STXBP6: variants seen among roughly 807,000 people sequenced by gnomAD.
The protein encoded by STXBP6 is syntaxin-binding protein 6.
A neutral mutation model predicts 26.9 loss-of-function variants in STXBP6; 21 were observed. The ratio of observed to expected loss-of-function variants is 0.78; its 90% CI spans 0.55 to 1.12. STXBP6 has a LOEUF of 1.12. Ranked by LOEUF, STXBP6 falls within the 50% of genes most tolerant of loss-of-function variation. The pLI, the probability that STXBP6 is intolerant of heterozygous loss-of-function variation, is 0.00. For synonymous variants in STXBP6, 97 were observed against 92.6 expected, an observed-to-expected ratio of 1.05 and a Z score of -0.27; for missense variants, 232 against 257.9, an observed-to-expected ratio of 0.90 and a Z score of 0.69.
intron 2 of STXBP6, among the ~76,000 whole-genome samples, chr14:24,887,063 G>C (rs1293875562): frequency 6.6e-6 from 1 of 152,172 alleles, no homozygotes; most frequent in Non-Finnish European, 1.5e-5. Flanking sequence ...GCATGAATGA[G>C]AAGGTATTTT....
intron 4 of STXBP6, among the ~76,000 whole-genome samples, chr14:24,836,367 C>T (rs182911004): frequency 6.6e-6 from 1 of 151,970 alleles, no homozygotes; most frequent in Non-Finnish European, 1.5e-5. Flanking sequence ...GAGGTCGAGG[C>T]GAGCGGACCA....
At chr14:24,987,667 C>T (rs1324735259) in intron 1 of STXBP6, among the ~76,000 whole-genome samples, 1 of 152,228 alleles carries the variant, frequency 6.6e-6, no homozygotes, top group Non-Finnish European at 1.5e-5. Context: ...CTTCCTCCTC[C>T]AATCCCATAT....
chr14:24,954,488 C>T (rs868568742), intron 2 of STXBP6, among the ~76,000 whole-genome samples: 4 of 152,146 alleles, frequency 2.6e-5, no homozygotes, highest in Admixed American at 6.5e-5. Flanking sequence ...ACCTATACAG[C>T]GGAATCTTTA....
chr14:24,840,397 T>C (rs1455500402), intron 4 of STXBP6, among the ~76,000 whole-genome samples: 5 of 152,180 alleles, frequency 3.3e-5, no homozygotes, highest in African/African-American at 1.2e-4. Context: ...GATTCTTTCC[T>C]CCACTTTAGC....
intron 2 of STXBP6, among the ~76,000 whole-genome samples, chr14:24,923,372 T>C (rs1218130887): frequency 6.6e-6 from 1 of 152,188 alleles, no homozygotes; most frequent in African/African-American, 2.4e-5. Flanking sequence ...AATGCCACAA[T>C]GTTTTTATTC....
At chr14:24,925,824 C>T (rs932440313) in intron 2 of STXBP6, among the ~76,000 whole-genome samples, 8 of 152,084 alleles carry the variant, frequency 5.3e-5, no homozygotes, top group Admixed American at 1.3e-4. Context: ...CCCCCCTACA[C>T]AAAAATGGGA....
At chr14:24,980,135 T>A (rs187269975) in intron 1 of STXBP6, among the ~76,000 whole-genome samples, 1 of 152,352 alleles carries the variant, frequency 6.6e-6, no homozygotes, top group East Asian at 1.9e-4. Context: ...TCACTAAACC[T>A]AGAAATCTAA....
At chr14:24,935,965 C>A (rs1343355605) in intron 2 of STXBP6, among the ~76,000 whole-genome samples, 2 of 152,156 alleles carry the variant, frequency 1.3e-5, no homozygotes, top group African/African-American at 4.8e-5. Flanking sequence ...CCAAAACAAA[C>A]GAGAGAAATA....
intron 2 of STXBP6, among the ~76,000 whole-genome samples, chr14:24,959,520 C>T (rs2073458142): frequency 6.6e-6 from 1 of 152,106 alleles, no homozygotes; most frequent in African/African-American, 2.4e-5. Context: ...TTTAACAGTT[C>T]CCAATTTCAT....
chr14:24,917,200 CTCGGCACAAT>C (rs1379273355), intron 2 of STXBP6, among the ~76,000 whole-genome samples: 19 of 152,102 alleles, frequency 1.2e-4, no homozygotes, highest in African/African-American at 4.3e-4. Context: ...ATGTTAACAA[CTCGGCACAAT>C]TTTGTAAAAA....
At chr14:24,875,234 G>A (rs904136364) in intron 2 of STXBP6, among the ~76,000 whole-genome samples, 9 of 152,280 alleles carry the variant, frequency 5.9e-5, no homozygotes, top group African/African-American at 1.9e-4. Context: ...AGATGAGAAA[G>A]ACCCTAAGAG....
chr14:24,901,862 C>A (rs889394678), intron 2 of STXBP6, among the ~76,000 whole-genome samples: 6 of 152,022 alleles, frequency 3.9e-5, no homozygotes, highest in African/African-American at 1.4e-4. Flanking sequence ...ATAGGGGCTA[C>A]TGACTGGAAA....
intron 3 of STXBP6, among the ~76,000 whole-genome samples, chr14:24,856,351 C>T (rs1409175206): frequency 6.6e-6 from 1 of 152,048 alleles, no homozygotes; most frequent in Non-Finnish European, 1.5e-5. Context: ...TAAACACTGA[C>T]AAATGTCAGA....
At chr14:24,822,559 GATTTA>G (rs148275596) in intron 4 of STXBP6, among the ~76,000 whole-genome samples, 1,743 of 152,264 alleles carry the variant, frequency 0.011, 32 homozygotes, top group African/African-American at 0.04. Flanking sequence ...TTAAGGGAGT[GATTTA>G]ATTTGTCTGA....
At chr14:24,864,338 T>A (rs2069643338) in intron 2 of STXBP6, among the ~76,000 whole-genome samples, 1 of 152,088 alleles carries the variant, frequency 6.6e-6, no homozygotes, top group African/African-American at 2.4e-5. Flanking sequence ...AAACAGCAAT[T>A]CTCTTCAGGA....
intron 2 of STXBP6, among the ~76,000 whole-genome samples, chr14:24,966,743 A>C (rs1007961614): frequency 1.3e-5 from 2 of 152,228 alleles, no homozygotes; most frequent in Admixed American, 1.3e-4. Context: ...GAAGAAAACA[A>C]ATTCATATTT....
chr14:24,907,135 A>G (rs2071411357), intron 2 of STXBP6, among the ~76,000 whole-genome samples: 1 of 152,154 alleles, frequency 6.6e-6, no homozygotes, highest in Admixed American at 6.5e-5. Context: ...TCAATAATTT[A>G]TGTATATTTC....
chr14:24,897,320 G>A (rs12888847), intron 2 of STXBP6, among the ~76,000 whole-genome samples: 50,254 of 146,258 alleles, frequency 0.34, 8,520 homozygotes, highest in African/African-American at 0.42. Flanking sequence ...TGAGGCAGGA[G>A]AATGGCATGA....
At chr14:24,978,247 T>TG (rs1366742468) in intron 1 of STXBP6, among the ~76,000 whole-genome samples, 7 of 152,220 alleles carry the variant, frequency 4.6e-5, no homozygotes, top group African/African-American at 1.7e-4. Context: ...ATTAGAATCC[T>TG]GGGATCTGTA....
Sources: gnomAD v4.1 joint callset for allele counts (sites outside exome capture counted in the v4.1 genomes callset) on GRCh38, gnomAD v4.1.1 for gene constraint, MANE v1.5 for transcripts, NCBI Gene and HGNC (gene_info 2026-07-23, HGNC 2026-07-21) for gene names.